RTCB: variants seen among roughly 807,000 people sequenced by gnomAD.
RTCB encodes RNA 2',3'-cyclic phosphate and 5'-OH ligase.
RTCB carries 32 observed loss-of-function variants against 58.2 expected under a neutral mutation model. The observed-to-expected ratio is 0.55, with a 90% CI of 0.41 to 0.74. RTCB has a LOEUF of 0.74. Ranked by LOEUF, RTCB falls within the 30% of genes least tolerant of loss-of-function variation. The pLI is 0.00. For missense variants in RTCB, 523 were observed against 639.0 expected (o/e 0.82, Z 1.96); for synonymous variants, 247 against 218.6 (o/e 1.13, Z -1.15).
chr22:32,406,350 G>T (rs1933419637), intron 4 of RTCB, among the ~76,000 whole-genome samples: 1 of 152,002 alleles, frequency 6.6e-6, no homozygotes, highest in Non-Finnish European at 1.5e-5. Flanking sequence ...TTGAGATGGG[G>T]TCTTGCTCTG....
chr22:32,396,142 T>C lies in RTCB; in HGVS notation c.922A>G (p.Lys308Glu). The change falls in exon 8 of 12, where the codon AAG becomes GAG. Residue 308 changes from lysine to glutamate, a missense_variant. Transcript: ENST00000216038. ...TAGTTCCCAGCAGCTGCCATTCCCT[T>C]CAGATAGTCTTGACCCTCTGGGGAA... Reference protein sequence around the residue: ...IASPEGQDYLKGMAAAGNYAW... With the variant: ...IASPEGQDYLEGMAAAGNYAW... 6.2e-7 allele frequency: 1 copy of C among 1,614,128 alleles called. No individual in the cohort carries two copies. The highest frequency in any genetic ancestry group is 8.5e-7 in the Non-Finnish European group (1 of 1,180,012).
chr22:32,408,689 G>T, intron 2 of RTCB, 66 bp downstream of exon 2: 4 of 1,146,576 alleles, frequency 3.5e-6, no homozygotes, highest in Non-Finnish European at 5.3e-6. Context: ...TATTTGAGTT[G>T]CCACTTTTTC....
chr22:32,387,954 A>G lies in RTCB; in HGVS notation c.*38T>C. On this transcript the variant is annotated 3_prime_UTR_variant, in exon 12 of 12. Transcript: ENST00000216038. ...ATGTCAGTCCACTTCCACTTCAGAG[A>G]GGGTTGGTGGTGTCAGGCAGCCCTG... 1 of 1,296,944 alleles carries G rather than the reference A, an allele frequency of 7.7e-7. No individual in the cohort carries two copies. 80.3% of individuals were successfully genotyped at this position (1,296,944 alleles called of 1,614,324 possible). A position where few individuals can be genotyped will look rare whatever the true frequency, so the allele number is the denominator to read the frequency against.
chr22:32,407,541 A>C (rs565818468), intron 3 of RTCB: 2 of 152,572 alleles, frequency 1.3e-5, no homozygotes, highest in African/African-American at 4.8e-5. Flanking sequence ...CTTACAACCA[A>C]GCGAAACTTA....
intron 4 of RTCB, 46 bp downstream of exon 4, chr22:32,406,616 C>G (rs41304681): frequency 0.061 from 84,416 of 1,387,980 alleles, 3,006 homozygotes; most frequent in South Asian, 0.1. Context: ...CCACCGTGCC[C>G]GGCCAATGCT....
Position 32,412,221 on chromosome 22 carries a change from C to T in RTCB, c.-65G>A. Reference sequence around the variant, plus strand: ...GAAGAGCCGCTGCCGCGTAGTCCGGCTTCTCAGAGCACCGCCTTCCAAGAA... The same window carrying T: ...GAAGAGCCGCTGCCGCGTAGTCCGGTTTCTCAGAGCACCGCCTTCCAAGAA... On this transcript the variant is annotated 5_prime_UTR_variant, in exon 1 of 12. Coordinates refer to ENST00000216038, the MANE Select transcript of RTCB (RefSeq NM_014306.5). The T allele has an allele frequency of 1.5e-6, 2 of 1,353,060 alleles. No individual in the cohort carries two copies. The highest frequency in any genetic ancestry group is 1.3e-5 in the South Asian group (1 of 77,478). 83.8% of individuals were successfully genotyped at this position (1,353,060 alleles called of 1,614,324 possible). A position where few individuals can be genotyped will look rare whatever the true frequency, so the allele number is the denominator to read the frequency against.
chr22:32,404,344 A>G (rs1933385946), intron 4 of RTCB, among the ~76,000 whole-genome samples: 1 of 150,892 alleles, frequency 6.6e-6, no homozygotes, highest in South Asian at 2.1e-4. Context: ...TTCTACTTAC[A>G]TTAGTTATTT....
chr22:32,390,609 C>T (rs749074471), intron 11 of RTCB, among the ~76,000 whole-genome samples: 2 of 152,048 alleles, frequency 1.3e-5, no homozygotes, highest in Non-Finnish European at 2.9e-5. Flanking sequence ...CCACCACGCC[C>T]GGCTAATTTT....
chr22:32,396,342 A>G lies in RTCB; in HGVS notation c.815-93T>C, dbSNP rs901562704. The G allele has an allele frequency of 7.5e-6, 10 of 1,330,632 alleles. No homozygotes were observed. In the African/African-American group the frequency reaches 1.5e-4, roughly 20 times the overall value. 82.4% of individuals were successfully genotyped at this position (1,330,632 alleles called of 1,614,324 possible). Reference sequence around the variant, plus strand: ...AGAAAGGTAGGCTACATTCAAATTCATTCCACAAAAAAACCCAATGAAAGC... The same window carrying G: ...AGAAAGGTAGGCTACATTCAAATTCGTTCCACAAAAAAACCCAATGAAAGC... On this transcript the variant is annotated intron_variant, in intron 7 of 11. Coordinates refer to ENST00000216038, the MANE Select transcript of RTCB (RefSeq NM_014306.5).
At chr22:32,407,302 A>C (rs5749429) in intron 3 of RTCB, 16,034 of 153,932 alleles carry the variant, frequency 0.1, 1,307 homozygotes, top group East Asian at 0.45. Context: ...CCTTATATAC[A>C]CAAGCCATAC....
At position 32,401,777 on chromosome 22, in the gene RTCB, C is replaced by A; in HGVS notation, c.467G>T (p.Gly156Val). The change falls in exon 5 of 12, where the codon GGG becomes GTG. Residue 156 changes from glycine (G) to valine (V), a missense_variant. By Grantham distance (109) the Gly-to-Val change is moderately radical. Coordinates refer to ENST00000216038, the MANE Select transcript of RTCB (RefSeq NM_014306.5). ...AMFDHIPVGVGSKGVIPMNAK... is the reference protein window; with the variant it reads ...AMFDHIPVGVVSKGVIPMNAK... The stretch of plus-strand genomic sequence containing the variant: ...ATTCATTGGGATGACACCTTTTGAC[C>A]CCACCCCAACAGGAATGTGGTCAAA... The A allele has an allele frequency of 6.2e-7, 1 of 1,613,770 alleles. No homozygotes were observed. The highest frequency in any genetic ancestry group is 8.5e-7 in the Non-Finnish European group (1 of 1,179,808).
chr22:32,399,731 C>G lies in RTCB; in HGVS notation c.526G>C (p.Val176Leu), dbSNP rs780465251. 1 of 1,613,824 alleles carries G rather than the reference C, an allele frequency of 6.2e-7. No individual in the cohort carries two copies. Among genetic ancestry groups the G allele is most frequent in the Non-Finnish European group, 8.5e-7 (1 of 1,179,876 alleles). Residue 176 changes from valine to leucine, a missense_variant, in exon 6 of 12, where the codon GTG becomes CTG. This residue lies in a region of RTCB where 141 missense variants were observed against 216.7 expected (regional missense o/e 0.65). Coordinates refer to ENST00000216038, the MANE Select transcript of RTCB (RefSeq NM_014306.5). ...KDLEEALEMG[V>L]DWSLREGYAW... Reference sequence around the variant, plus strand: ...TACCCTTCTCTTAAGGACCAGTCCACCCCCATCTCCAAGGCCTCCTCCAAG... The same window carrying G: ...TACCCTTCTCTTAAGGACCAGTCCAGCCCCATCTCCAAGGCCTCCTCCAAG...
At chr22:32,397,904 A>G (rs1351445119) in intron 7 of RTCB, 37 bp downstream of exon 7, 1 of 1,570,324 alleles carries the variant, frequency 6.4e-7, no homozygotes, top group Non-Finnish European at 8.6e-7. Context: ...CTGGTTGCCC[A>G]TAAAATGTAC....
chr22:32,402,969 T>C (rs558445214), intron 4 of RTCB, among the ~76,000 whole-genome samples: 5 of 152,132 alleles, frequency 3.3e-5, no homozygotes, highest in Non-Finnish European at 7.4e-5. Context: ...AGTCTCAAAC[T>C]CCTGGGCTCA....
In RTCB at chr22:32,411,914, G is replaced by A. The variant is rs1159269393; in HGVS notation, c.93+150C>T. 8.2e-6 allele frequency: 5 copies of A among 612,774 alleles called. No homozygotes were observed. In the East Asian group the frequency reaches 1.2e-4, roughly 15 times the overall value. The allele number at this position is 612,774 out of a possible 1,614,324, so 38.0% of individuals were successfully genotyped here. Reference sequence around the variant, plus strand: ...TGCCGGAACAGGTTGGGCGGCCCCAGAACCGTGAGGGGAGAAGGACGGGAT... The same window carrying A: ...TGCCGGAACAGGTTGGGCGGCCCCAAAACCGTGAGGGGAGAAGGACGGGAT... On this transcript the variant is annotated intron_variant, in intron 1 of 11. Transcript: ENST00000216038.
intron 7 of RTCB, among the ~76,000 whole-genome samples, chr22:32,397,548 T>C (rs1933266603): frequency 6.6e-6 from 1 of 152,254 alleles, no homozygotes; most frequent in South Asian, 2.1e-4. Flanking sequence ...TCACATCTAC[T>C]GTTGCAGAGC....
intron 4 of RTCB, among the ~76,000 whole-genome samples, chr22:32,403,122 A>G (rs1933365066): frequency 6.6e-6 from 1 of 151,834 alleles, no homozygotes; most frequent in Non-Finnish European, 1.5e-5. Flanking sequence ...AACTGTATAT[A>G]TTGGCAGGGT....
At chr22:32,390,573 C>T (rs1215737126) in intron 11 of RTCB, among the ~76,000 whole-genome samples, 1 of 152,104 alleles carries the variant, frequency 6.6e-6, no homozygotes, top group Non-Finnish European at 1.5e-5. Context: ...CTCAGCCTCC[C>T]GAGTAGCTAG....
intron 11 of RTCB, 151 bp from the exon 12 acceptor site, chr22:32,388,250 G>A: frequency 1.8e-6 from 1 of 565,524 alleles, no homozygotes; most frequent in Middle Eastern, 4.6e-4. Context: ...TAAAAAAGAA[G>A]TAAGCCTGAT....
Sources: allele counts gnomAD v4.1 joint callset (sites outside exome capture counted in the v4.1 genomes callset), GRCh38; gene constraint gnomAD v4.1.1; regional missense constraint gnomAD v4.1.1; transcripts MANE v1.5; gene names NCBI Gene and HGNC (gene_info 2026-07-23, HGNC 2026-07-21).